The following HECW1 variants were observed in gnomAD, a reference collection of about 807,000 sequenced individuals.
HECW1 encodes E3 ubiquitin-protein ligase HECW1.
HECW1 carries 61 observed loss-of-function variants against 182.3 expected under a neutral mutation model. The ratio of observed to expected loss-of-function variants is 0.33; its 90% confidence interval spans 0.27 to 0.41. The LOEUF (loss-of-function observed/expected upper bound fraction) is 0.41, where lower values mean the gene tolerates loss of function less well. HECW1 is among the 10% of genes least tolerant of loss of function. The probability of loss-of-function intolerance (pLI) is 1.00; values close to 1 mark genes in which losing one functional copy is unlikely to be tolerated. For synonymous variants in HECW1, 859 were observed against 832.6 expected, an observed-to-expected ratio of 1.03 and a Z score of -0.55; for missense variants, 1,739 against 2,108.9, an observed-to-expected ratio of 0.82 and a Z score of 3.44.
chr7:43,471,371 C>G (rs1319268798), intron 16 of HECW1, among the ~76,000 whole-genome samples: 1 of 152,200 alleles, frequency 6.6e-6, no homozygotes, highest in Non-Finnish European at 1.5e-5. Context: ...CATAGCTGGC[C>G]AGAGCAGGTC....
intron 19 of HECW1, among the ~76,000 whole-genome samples, chr7:43,499,391 C>T (rs556336158): frequency 1.1e-4 from 17 of 151,860 alleles, no homozygotes; most frequent in East Asian, 9.7e-4. Context: ...ATCGTTTGAA[C>T]GCAGGAGGCA....
intron 2 of HECW1, among the ~76,000 whole-genome samples, chr7:43,208,512 C>T (rs181006346): frequency 6.6e-6 from 1 of 152,288 alleles, no homozygotes. Flanking sequence ...ACTGAGAGTC[C>T]CCAGGGTCTG....
chr7:43,129,276 C>T (rs1294031022), intron 2 of HECW1, among the ~76,000 whole-genome samples: 2 of 152,108 alleles, frequency 1.3e-5, no homozygotes, highest in Non-Finnish European at 2.9e-5. Flanking sequence ...AAGAAATTAC[C>T]ACGGTCACCC....
At chr7:43,421,511 A>G in intron 8 of HECW1, among the ~76,000 whole-genome samples, 1 of 152,204 alleles carries the variant, frequency 6.6e-6, no homozygotes, top group East Asian at 1.9e-4. Context: ...CAGAGTGGGT[A>G]AAGATGTTGA....
chr7:43,351,142 G>C (rs952857633), intron 5 of HECW1, among the ~76,000 whole-genome samples: 4 of 152,170 alleles, frequency 2.6e-5, no homozygotes, highest in African/African-American at 9.7e-5. Context: ...TTTCTTCTGG[G>C]TCTAGCCACC....
intron 6 of HECW1, among the ~76,000 whole-genome samples, chr7:43,381,069 A>T (rs940884022): frequency 1.3e-5 from 2 of 152,184 alleles, no homozygotes; most frequent in African/African-American, 4.8e-5. Flanking sequence ...CTTTATTTGT[A>T]TCTTCCTGAT....
intron 5 of HECW1, among the ~76,000 whole-genome samples, chr7:43,328,572 C>T (rs986520466): frequency 1.3e-5 from 2 of 152,152 alleles, no homozygotes; most frequent in African/African-American, 4.8e-5. Flanking sequence ...AAGACGCAGG[C>T]GTGCAGTCAC....
chr7:43,308,386 T>TTATATGATATATTTATATATAATATAAC (rs1406860090), intron 3 of HECW1, among the ~76,000 whole-genome samples: 1 of 140,226 alleles, frequency 7.1e-6, no homozygotes, highest in African/African-American at 2.6e-5. Context: ...TATTTATATA[T>TTATATGATATATTTATATATAATATAAC]ATATAAAATC....
At chr7:43,324,227 C>T (rs1030926885) in intron 5 of HECW1, among the ~76,000 whole-genome samples, 34 of 152,164 alleles carry the variant, frequency 2.2e-4, no homozygotes, top group Admixed American at 2.2e-3. Context: ...CAGGTACTTA[C>T]ATTTTGCAAA....
In HECW1 at chr7:43,328,929, C is replaced by G. The variant is rs1447828029; in HGVS notation, c.460+8187C>G. Among the ~76,000 whole-genome samples, 3 of 152,152 alleles carry G rather than the reference C, an allele frequency of 2.0e-5. No individual in the cohort carries two copies. In the East Asian group the frequency reaches 5.8e-4, roughly 29 times the overall value. ...TAACAGATACAGCTGTCTCTCTTAG[C>G]CCTATTGTGCTGGAGGCCTGCTGGG... On this transcript the variant is annotated intron_variant, in intron 5 of 29. Coordinates refer to ENST00000395891, the MANE Select transcript of HECW1 (RefSeq NM_015052.5).
intron 20 of HECW1, among the ~76,000 whole-genome samples, 168 bp from the exon 21 acceptor site, chr7:43,501,045 A>T (rs1417320366): frequency 6.6e-6 from 1 of 152,178 alleles, no homozygotes; most frequent in Non-Finnish European, 1.5e-5. Flanking sequence ...AACACTGAGA[A>T]TTTGCAAGCA....
chr7:43,183,970 A>AAAC (rs1554300809), intron 2 of HECW1, among the ~76,000 whole-genome samples: 8 of 152,048 alleles, frequency 5.3e-5, no homozygotes, highest in South Asian at 2.1e-4. Context: ...TTTAAAAAAA[A>AAAC]AATCAAGATG....
intron 3 of HECW1, among the ~76,000 whole-genome samples, chr7:43,302,678 G>A (rs907864074): frequency 9.2e-5 from 14 of 152,186 alleles, no homozygotes; most frequent in Admixed American, 3.3e-4. Context: ...TGTATGGTCC[G>A]CAGGGCTCCT....
In HECW1 at chr7:43,541,893, A is replaced by G. The variant is rs1400980895; in HGVS notation, c.4143A>G (p.Glu1381=). Residue 1381 remains glutamate (E), a synonymous_variant, in exon 26 of 30, where the codon GAA becomes GAG. Transcript: ENST00000395891. Reference sequence around the variant, plus strand: ...GGCCCTGTGATTTGAGTGACCTGGAATATTTGGATGAGGAATTCCACCAGA... The same window carrying G: ...GGCCCTGTGATTTGAGTGACCTGGAGTATTTGGATGAGGAATTCCACCAGA... ...LRLPCDLSDL[E]YLDEEFHQSL... is the part of the protein sequence containing the mutation. 6.5e-7 allele frequency: 1 copy of G among 1,541,128 alleles called. No individual in the cohort carries two copies. The highest frequency in any genetic ancestry group is 8.7e-7 in the Non-Finnish European group (1 of 1,144,604).
intron 13 of HECW1, among the ~76,000 whole-genome samples, chr7:43,461,223 A>G (rs2077572067): frequency 2.0e-5 from 3 of 152,056 alleles, no homozygotes; most frequent in African/African-American, 7.3e-5. Flanking sequence ...GGGGCTGGAG[A>G]CTCACATATT....
intron 16 of HECW1, among the ~76,000 whole-genome samples, chr7:43,470,726 C>T (rs894818497): frequency 1.4e-5 from 2 of 146,094 alleles, no homozygotes; most frequent in African/African-American, 2.6e-5. Flanking sequence ...TAGCTGTGTG[C>T]CTACACACAC....
At chr7:43,121,400 T>G (rs1028486520) in intron 2 of HECW1, among the ~76,000 whole-genome samples, 6 of 152,190 alleles carry the variant, frequency 3.9e-5, no homozygotes, top group Non-Finnish European at 7.3e-5. Flanking sequence ...TAGGCTGGCA[T>G]CGTCGGGCTG....
intron 2 of HECW1, among the ~76,000 whole-genome samples, chr7:43,131,658 T>C (rs1562578575): frequency 6.6e-6 from 1 of 152,314 alleles, no homozygotes; most frequent in East Asian, 1.9e-4. Flanking sequence ...ACAACATATA[T>C]TGTATTCCAA....
At chr7:43,419,340 C>T (rs949099294) in intron 8 of HECW1, among the ~76,000 whole-genome samples, 4 of 152,198 alleles carry the variant, frequency 2.6e-5, no homozygotes, top group African/African-American at 9.7e-5. Flanking sequence ...TAGCAATTAA[C>T]TGTGTAGCAA....
Sources: allele counts gnomAD v4.1 joint callset (sites outside exome capture counted in the v4.1 genomes callset), GRCh38; gene constraint gnomAD v4.1.1; transcripts MANE v1.5; gene names NCBI Gene and HGNC (gene_info 2026-07-23, HGNC 2026-07-21).